LEPR: variants seen among roughly 807,000 people sequenced by gnomAD.
LEPR encodes the protein leptin receptor, also known as OB receptor.
A neutral mutation model predicts 114.7 loss-of-function variants in LEPR; 56 were observed. That is an observed-to-expected ratio of 0.49 (90% CI 0.39 to 0.61). The LOEUF (loss-of-function observed/expected upper bound fraction) is 0.61. LEPR is among the 20% of genes least tolerant of loss of function. The pLI is 0.00. For missense variants in LEPR, 1,202 were observed against 1,352.9 expected, an observed-to-expected ratio of 0.89 and a Z score of 1.75; for synonymous variants, 443 against 461.4, an observed-to-expected ratio of 0.96 and a Z score of 0.51.
chr1:65,516,792 C>G (rs1649309576), intron 2 of LEPR, among the ~76,000 whole-genome samples: 1 of 152,128 alleles, frequency 6.6e-6, no homozygotes, highest in South Asian at 2.1e-4. Flanking sequence ...ACCATAGCAC[C>G]TTTCAAGTTT....
chr1:65,462,817 A>T (rs569307633), intron 2 of LEPR, among the ~76,000 whole-genome samples: 1 of 152,188 alleles, frequency 6.6e-6, no homozygotes, highest in South Asian at 2.1e-4. Flanking sequence ...ATGTCTGTTT[A>T]TATCCTTTGC....
At chr1:65,494,250 AT>A (rs1648032300) in intron 2 of LEPR, 1 of 152,184 alleles carries the variant, frequency 6.6e-6, no homozygotes, top group Non-Finnish European at 1.5e-5. Flanking sequence ...AAAATTGCAC[AT>A]GGCAAATACT....
At chr1:65,483,340 A>T (rs539149258) in intron 2 of LEPR, among the ~76,000 whole-genome samples, 1 of 152,146 alleles carries the variant, frequency 6.6e-6, no homozygotes, top group Non-Finnish European at 1.5e-5. Context: ...TAAAACGACA[A>T]TGTATCACCA....
chr1:65,621,272 T>C, intron 17 of LEPR, 81 bp from the exon 18 acceptor site: 1 of 1,174,488 alleles, frequency 8.5e-7, no homozygotes, highest in Non-Finnish European at 1.2e-6. Context: ...ATTCAGAAAA[T>C]GTCTACTATA....
chr1:65,555,925 C>A (rs1402088638), intron 2 of LEPR, among the ~76,000 whole-genome samples: 1 of 152,100 alleles, frequency 6.6e-6, no homozygotes, highest in East Asian at 1.9e-4. Context: ...TGAATGACTG[C>A]TAAGGCACAT....
chr1:65,455,713 C>A (rs1646861796), intron 2 of LEPR, among the ~76,000 whole-genome samples: 1 of 152,202 alleles, frequency 6.6e-6, no homozygotes, highest in African/African-American at 2.4e-5. Context: ...TTTAAGTCTG[C>A]AGAGGTTACT....
At chr1:65,545,667 T>A (rs527244239) in intron 2 of LEPR, among the ~76,000 whole-genome samples, 2 of 152,386 alleles carry the variant, frequency 1.3e-5, no homozygotes, top group South Asian at 2.1e-4. Flanking sequence ...TGTCTTCTTC[T>A]TGTAAATTAG....
chr1:65,615,932 ATG>A, intron 14 of LEPR, 74 bp from the exon 15 acceptor site: 1 of 1,586,298 alleles, frequency 6.3e-7, no homozygotes, highest in Middle Eastern at 1.7e-4. Flanking sequence ...GAAATGTAGA[ATG>A]AGAGTTATGT....
intron 19 of LEPR, among the ~76,000 whole-genome samples, chr1:65,626,968 G>A (rs1570854292): frequency 6.6e-6 from 1 of 152,222 alleles, no homozygotes; most frequent in East Asian, 1.9e-4. Flanking sequence ...AAATAATATA[G>A]TGTAACTCAC....
chr1:65,532,908 G>A (rs1202423410), intron 2 of LEPR, among the ~76,000 whole-genome samples: 2 of 152,168 alleles, frequency 1.3e-5, no homozygotes, highest in Non-Finnish European at 2.9e-5. Context: ...CAGTGGTGAT[G>A]ATTGCTCTGT....
At chr1:65,526,120 T>A in intron 2 of LEPR, 1 of 975,476 alleles carries the variant, frequency 1.0e-6, no homozygotes, top group Non-Finnish European at 1.2e-6. Context: ...CGAGAGAGCA[T>A]GCCACCCGGC....
chr1:65,495,926 C>T (rs1000893991), intron 2 of LEPR, among the ~76,000 whole-genome samples: 1 of 152,024 alleles, frequency 6.6e-6, no homozygotes, highest in Non-Finnish European at 1.5e-5. Context: ...GATAGGGAGA[C>T]ATTGGTTAAC....
intron 2 of LEPR, among the ~76,000 whole-genome samples, chr1:65,442,010 G>T (rs1321284091): frequency 6.6e-6 from 1 of 152,136 alleles, no homozygotes; most frequent in African/African-American, 2.4e-5. Flanking sequence ...GTTAATGTGG[G>T]CTGAGAGAGA....
chr1:65,486,023 A>G (rs1647468120), intron 2 of LEPR, among the ~76,000 whole-genome samples: 1 of 152,180 alleles, frequency 6.6e-6, no homozygotes, highest in African/African-American at 2.4e-5. Flanking sequence ...ATGCTGAATT[A>G]CTTTGGTAAT....
intron 2 of LEPR, among the ~76,000 whole-genome samples, chr1:65,466,239 G>A (rs1647010509): frequency 6.6e-6 from 1 of 152,124 alleles, no homozygotes; most frequent in African/African-American, 2.4e-5. Context: ...AAATCTCTCA[G>A]CATTTGCTTG....
At chr1:65,502,527 C>T (rs1300359829) in intron 2 of LEPR, among the ~76,000 whole-genome samples, 3 of 151,848 alleles carry the variant, frequency 2.0e-5, no homozygotes, top group Non-Finnish European at 4.4e-5. Context: ...TGGGTGCTGA[C>T]GATATAGCTT....
rs1260277499 is a variant in LEPR at position 65,636,591 on chromosome 1, C to G, written c.3074C>G (p.Ser1025Cys). The G allele has an allele frequency of 6.2e-7, 1 of 1,614,116 alleles. No homozygotes were observed. Among genetic ancestry groups the G allele is most frequent in the Non-Finnish European group, 8.5e-7 (1 of 1,179,996 alleles). Residue 1025 changes from serine (S) to cysteine (C), a missense_variant, in exon 20 of 20, where the codon TCT (serine) becomes TGT (cysteine). By Grantham distance (112) the Ser-to-Cys change is moderately radical. Coordinates refer to ENST00000349533, the MANE Select transcript of LEPR (RefSeq NM_002303.6). ...AATTCTCCGTTGAAGGATTCTTTCTCTAATAGCTCATGGGAGATAGAGGCC... is the reference window on the plus strand; with the variant it reads ...AATTCTCCGTTGAAGGATTCTTTCTGTAATAGCTCATGGGAGATAGAGGCC... ...SKNSPLKDSF[S>C]NSSWEIEAQA...
chr1:65,449,864 T>G (rs530183935), intron 2 of LEPR, among the ~76,000 whole-genome samples: 1 of 152,272 alleles, frequency 6.6e-6, no homozygotes, highest in Non-Finnish European at 1.5e-5. Context: ...TTTTATATCT[T>G]TCTTCCTTTC....
chr1:65,577,293 C>A, intron 5 of LEPR: 1 of 153,588 alleles, frequency 6.5e-6, no homozygotes. Flanking sequence ...TTTCTTATAC[C>A]TTAATTTTTC....
Sources: allele counts gnomAD v4.1 joint callset (sites outside exome capture counted in the v4.1 genomes callset), GRCh38; gene constraint gnomAD v4.1.1; transcripts MANE v1.5; gene names NCBI Gene and HGNC (gene_info 2026-07-23, HGNC 2026-07-21).